Variants in GABBR2 observed in about 807,000 individuals in gnomAD.
GABBR2 encodes the protein G-protein coupled receptor 51.
In GABBR2, 23 loss-of-function variants were observed where a neutral mutation model predicts 105.6. That is an observed-to-expected ratio of 0.22 (90% CI 0.16 to 0.31). The LOEUF is 0.31. GABBR2 is among the 10% of genes least tolerant of loss of function. GABBR2 has a pLI of 1.00. For synonymous variants in GABBR2, 478 were observed against 499.7 expected (o/e 0.96, Z 0.58); for missense variants, 734 against 1,245.5 (o/e 0.59, Z 6.18).
chr9:98,337,610 C>T (rs557333446), intron 13 of GABBR2, among the ~76,000 whole-genome samples: 1 of 152,314 alleles, frequency 6.6e-6, no homozygotes, highest in East Asian at 1.9e-4. Flanking sequence ...ATCAAGTCAG[C>T]ATGGTGTTGG....
chr9:98,517,323 C>T (rs1195260695), intron 3 of GABBR2, among the ~76,000 whole-genome samples: 1 of 152,158 alleles, frequency 6.6e-6, no homozygotes, highest in Non-Finnish European at 1.5e-5. Flanking sequence ...CTTTCCCACC[C>T]CTTCCTGTGG....
At chr9:98,316,218 C>T (rs1477849674) in intron 13 of GABBR2, among the ~76,000 whole-genome samples, 1 of 151,530 alleles carries the variant, frequency 6.6e-6, no homozygotes, top group Non-Finnish European at 1.5e-5. Flanking sequence ...ATGGCGCAAT[C>T]TCAGCTCACT....
chr9:98,383,821 A>C (rs1412947992), intron 11 of GABBR2, among the ~76,000 whole-genome samples: 2 of 152,224 alleles, frequency 1.3e-5, no homozygotes, highest in East Asian at 1.9e-4. Context: ...CCTTCTTTCC[A>C]TGTGCTGTCC....
intron 12 of GABBR2, among the ~76,000 whole-genome samples, chr9:98,364,380 T>G (rs1831640065): frequency 6.6e-6 from 1 of 152,194 alleles, no homozygotes; most frequent in African/African-American, 2.4e-5. Context: ...GTCCAGCTAT[T>G]CCTGACCCCT....
intron 18 of GABBR2, among the ~76,000 whole-genome samples, chr9:98,291,766 A>T (rs1030511051): frequency 6.6e-6 from 1 of 151,168 alleles, no homozygotes; most frequent in African/African-American, 2.4e-5. Flanking sequence ...TGTCTGGAAG[A>T]CTCTTTCTCT....
At chr9:98,429,121 G>GGTGTGTGTGT (rs56248488) in intron 7 of GABBR2, among the ~76,000 whole-genome samples, 1,603 of 145,558 alleles carry the variant, frequency 0.011, 18 homozygotes, top group African/African-American at 0.024. Context: ...CCAGGTTTTT[G>GGTGTGTGTGT]GTGTGTGTGT....
At chr9:98,383,736 C>G (rs1039430727) in intron 11 of GABBR2, among the ~76,000 whole-genome samples, 1 of 152,294 alleles carries the variant, frequency 6.6e-6, no homozygotes, top group South Asian at 2.1e-4. Context: ...TGATGTGTAA[C>G]AGTCAGTCCA....
intron 1 of GABBR2, among the ~76,000 whole-genome samples, chr9:98,620,385 C>G (rs1025958848): frequency 2.6e-5 from 4 of 151,958 alleles, no homozygotes; most frequent in African/African-American, 4.8e-5. Flanking sequence ...CATTACCACT[C>G]TACACCTTTA....
At chr9:98,564,701 C>G (rs765891051) in intron 2 of GABBR2, among the ~76,000 whole-genome samples, 9 of 152,212 alleles carry the variant, frequency 5.9e-5, no homozygotes, top group Non-Finnish European at 1.3e-4. Context: ...AGTCACAATT[C>G]CTGAGCACCT....
At chr9:98,360,757 C>T (rs545550528) in intron 13 of GABBR2, among the ~76,000 whole-genome samples, 26 of 152,318 alleles carry the variant, frequency 1.7e-4, no homozygotes, top group African/African-American at 5.8e-4. Flanking sequence ...CTTGTTTAAA[C>T]GGTCCAGTAG....
intron 1 of GABBR2, among the ~76,000 whole-genome samples, chr9:98,692,947 A>G (rs1439036552): frequency 6.6e-6 from 1 of 152,196 alleles, no homozygotes; most frequent in Non-Finnish European, 1.5e-5. Flanking sequence ...GATACAAATG[A>G]CATATTCCTT....
intron 1 of GABBR2, among the ~76,000 whole-genome samples, chr9:98,639,436 G>A (rs983063252): frequency 6.6e-6 from 1 of 152,104 alleles, no homozygotes; most frequent in Non-Finnish European, 1.5e-5. Flanking sequence ...CATTGCCCTG[G>A]AAATGGACTT....
At chr9:98,434,281 T>C (rs984098948) in intron 7 of GABBR2, among the ~76,000 whole-genome samples, 18 of 152,180 alleles carry the variant, frequency 1.2e-4, no homozygotes, top group Non-Finnish European at 1.9e-4. Flanking sequence ...CCTCACCTTT[T>C]GATCATATGA....
At chr9:98,385,046 T>C (rs767068447) in intron 11 of GABBR2, among the ~76,000 whole-genome samples, 3 of 152,250 alleles carry the variant, frequency 2.0e-5, no homozygotes, top group Non-Finnish European at 4.4e-5. Flanking sequence ...TTGATGGTTT[T>C]TGAGGTAGAT....
chr9:98,452,195 T>C (rs1354077587), intron 7 of GABBR2, among the ~76,000 whole-genome samples: 2 of 152,234 alleles, frequency 1.3e-5, no homozygotes, highest in Non-Finnish European at 2.9e-5. Flanking sequence ...AGCACAGGCA[T>C]GCATGAATAT....
At chr9:98,502,745 G>C (rs1242258429) in intron 3 of GABBR2, among the ~76,000 whole-genome samples, 3 of 152,194 alleles carry the variant, frequency 2.0e-5, no homozygotes, top group Non-Finnish European at 2.9e-5. Context: ...GACCTTCTCT[G>C]ACCTCAGGCT....
chr9:98,648,333 A>G (rs1355643209), intron 1 of GABBR2, among the ~76,000 whole-genome samples: 1 of 151,900 alleles, frequency 6.6e-6, no homozygotes, highest in Non-Finnish European at 1.5e-5. Context: ...GGGTTTCACC[A>G]TGTTGGCCAG....
In GABBR2 at chr9:98,500,406, C is replaced by T. The variant is rs369505277; in HGVS notation, c.631-3892G>A. On this transcript the variant is annotated intron_variant, in intron 3 of 18. Coordinates refer to ENST00000259455, the MANE Select transcript of GABBR2 (RefSeq NM_005458.8). Reference sequence around the variant, plus strand: ...GGCAGGGGAGGTTAGAAGGCTGCCCCTCACCTGGAAGGGAGCCCCAGGAGG... The same window carrying T: ...GGCAGGGGAGGTTAGAAGGCTGCCCTTCACCTGGAAGGGAGCCCCAGGAGG... Among the ~76,000 whole-genome samples the T allele has an allele frequency of 4.0e-4, 61 of 152,286 alleles. 2 individuals carry two copies. The East Asian group carries it at 8.9e-3, about 22-fold the overall frequency.
intron 1 of GABBR2, among the ~76,000 whole-genome samples, chr9:98,646,373 T>C (rs796275753): frequency 3.2e-4 from 49 of 152,304 alleles, no homozygotes; most frequent in African/African-American, 9.9e-4. Context: ...GCTGTTACCA[T>C]TGGTTGCTGG....
Sources: allele counts gnomAD v4.1 joint callset (sites outside exome capture counted in the v4.1 genomes callset), GRCh38; gene constraint gnomAD v4.1.1; transcripts MANE v1.5; gene names NCBI Gene and HGNC (gene_info 2026-07-23, HGNC 2026-07-21).